Variants in LIN28B observed in about 807,000 individuals in gnomAD.
LIN28B encodes protein lin-28 homolog B.
Under a neutral mutation model 21.9 loss-of-function variants are expected in LIN28B, and 5 were observed. The observed-to-expected ratio is 0.23, with a 90% CI of 0.12 to 0.48. The LOEUF (loss-of-function observed/expected upper bound fraction) is 0.48, where lower values mean the gene tolerates loss of function less well. Ranked by LOEUF, LIN28B falls within the 20% of genes least tolerant of loss-of-function variation. The probability of loss-of-function intolerance (pLI) is 0.98; values close to 1 mark genes in which losing one functional copy is unlikely to be tolerated. For synonymous variants in LIN28B, 109 were observed against 111.3 expected (o/e 0.98, Z 0.13); for missense variants, 245 against 310.5 (o/e 0.79, Z 1.58).
Position 105,082,525 on chromosome 6 carries a change from C to T in LIN28B, c.*3742C>T, listed in dbSNP as rs1296848380. 1 of 152,550 alleles carries T rather than the reference C, an allele frequency of 6.6e-6. No homozygotes were observed. The highest frequency in any genetic ancestry group is 2.4e-5 in the African/African-American group (1 of 41,428). The allele number at this position is 152,550 out of a possible 1,614,324, so 9.4% of individuals were successfully genotyped here. ...CATAAAATATATATGTGTATTTCCC[C>T]TTTGGTTATAAAATTTGGGAAAGTA... On this transcript the variant is annotated 3_prime_UTR_variant, in exon 4 of 4. Coordinates refer to ENST00000345080, the MANE Select transcript of LIN28B (RefSeq NM_001004317.4).
chr6:104,983,599 G>A lies in LIN28B; in HGVS notation c.198+25313G>A, dbSNP rs1310769566. Among the ~76,000 whole-genome samples, 6 of 152,152 alleles carry A rather than the reference G, an allele frequency of 3.9e-5. No homozygotes were observed. In the East Asian group the frequency reaches 7.7e-4, roughly 20 times the overall value. On this transcript the variant is annotated intron_variant, in intron 2 of 3. Coordinates refer to ENST00000345080, the MANE Select transcript of LIN28B (RefSeq NM_001004317.4). ...TTGTTTTTGTTTTTGTTTTGGAGAC[G>A]GAGTTTCGCTCTTATTGCCTAGGCT...
chr6:105,068,656 T>C (rs1397851173), intron 3 of LIN28B, among the ~76,000 whole-genome samples: 1 of 152,234 alleles, frequency 6.6e-6, no homozygotes, highest in Admixed American at 6.5e-5. Context: ...ATGGCAATTA[T>C]ACTAACTGAA....
chr6:104,940,773 C>T (rs1778075071), intron 2 of LIN28B: 1 of 151,384 alleles, frequency 6.6e-6, no homozygotes, highest in African/African-American at 2.4e-5. Context: ...CAGCGGATTC[C>T]GTGCCCGGTG....
rs1026723639 is a variant in LIN28B at position 104,965,088 on chromosome 6, CATG to C, written c.198+6803_198+6805del. ...TAAGTTATTTTCAGTGGTGTATACTCATGGTGGATAATTAAGCTGGTCTTTTAT... is the reference window on the plus strand; with the variant it reads ...TAAGTTATTTTCAGTGGTGTATACTCGTGGATAATTAAGCTGGTCTTTTAT... On this transcript the variant is annotated intron_variant, in intron 2 of 3. Coordinates refer to ENST00000345080, the MANE Select transcript of LIN28B (RefSeq NM_001004317.4). Among the ~76,000 whole-genome samples the C allele has an allele frequency of 3.9e-4, 60 of 152,156 alleles. 2 individuals are homozygous for C. Among genetic ancestry groups the C allele is most frequent in the Admixed American group, 6.5e-5 (1 of 15,278 alleles).
intron 3 of LIN28B, among the ~76,000 whole-genome samples, chr6:105,043,628 G>A (rs1489504627): frequency 1.3e-5 from 2 of 150,956 alleles, no homozygotes; most frequent in East Asian, 3.9e-4. Context: ...TCTCACCCAA[G>A]CTGGAGTGCA....
At chr6:105,039,544 G>A (rs1771590194) in intron 3 of LIN28B, among the ~76,000 whole-genome samples, 1 of 152,216 alleles carries the variant, frequency 6.6e-6, no homozygotes, top group South Asian at 2.1e-4. Flanking sequence ...ATGATATTAT[G>A]TATTATGTAT....
In LIN28B at chr6:105,051,438, GA is replaced by G. The variant is rs574097280; in HGVS notation, c.383+24967del. Reference sequence around the variant, plus strand: ...TGGGCGACAGAGCGAGACTCCGTCTGAAAAAAAAAAAGAAAGAAAAAGAAAG... The same window carrying G: ...TGGGCGACAGAGCGAGACTCCGTCTGAAAAAAAAAAGAAAGAAAAAGAAAG... On this transcript the variant is annotated intron_variant, in intron 3 of 3. Coordinates refer to ENST00000345080, the MANE Select transcript of LIN28B (RefSeq NM_001004317.4). Among the ~76,000 whole-genome samples the G allele has an allele frequency of 4.2e-4, 57 of 137,172 alleles. 1 individual carries two copies. The South Asian group carries it at 4.4e-3, about 11-fold the overall frequency. 90.0% of individuals were successfully genotyped at this position (137,172 alleles called of 152,430 possible). A position where few individuals can be genotyped will look rare whatever the true frequency, so the allele number is the denominator to read the frequency against.
intron 3 of LIN28B, among the ~76,000 whole-genome samples, chr6:105,027,923 C>T (rs956216038): frequency 1.3e-5 from 2 of 152,058 alleles, no homozygotes; most frequent in African/African-American, 4.8e-5. Context: ...TCCAGTGAAA[C>T]AATAAATTCC....
intron 2 of LIN28B, among the ~76,000 whole-genome samples, chr6:105,015,587 T>C (rs1771011326): frequency 6.6e-6 from 1 of 152,162 alleles, no homozygotes. Context: ...GTTTATCTCA[T>C]TTCTTTGGTA....
chr6:104,954,908 A>G (rs570018233), upstream of LIN28B, among the ~76,000 whole-genome samples: 1 of 152,304 alleles, frequency 6.6e-6, no homozygotes, highest in Middle Eastern at 3.4e-3. Context: ...CTGGTTTTAT[A>G]ATGATTAAAC....
chr6:104,960,230 A>T (rs536323113), intron 2 of LIN28B, among the ~76,000 whole-genome samples: 1 of 151,866 alleles, frequency 6.6e-6, no homozygotes, highest in Non-Finnish European at 1.5e-5. Context: ...ATATACATAA[A>T]TTGTATATAA....
intron 2 of LIN28B, among the ~76,000 whole-genome samples, chr6:104,984,841 A>G (rs73771042): frequency 0.021 from 3,200 of 152,314 alleles, 126 homozygotes; most frequent in African/African-American, 0.074. Context: ...GAATTAGATA[A>G]CAGTTTTTGA....
chr6:104,985,300 T>G (rs561973754), intron 2 of LIN28B, among the ~76,000 whole-genome samples: 7 of 152,306 alleles, frequency 4.6e-5, no homozygotes, highest in Non-Finnish European at 7.4e-5. Flanking sequence ...TAAGCCTGAG[T>G]GTTTTTAATA....
chr6:105,039,566 T>C (rs1330018446), intron 3 of LIN28B, among the ~76,000 whole-genome samples: 1 of 152,086 alleles, frequency 6.6e-6, no homozygotes, highest in African/African-American at 2.4e-5. Flanking sequence ...GATACTTACA[T>C]GTGTGGCAAA....
At chr6:104,959,284 T>A (rs1162292831) in intron 2 of LIN28B, among the ~76,000 whole-genome samples, 1 of 152,188 alleles carries the variant, frequency 6.6e-6, no homozygotes, top group Non-Finnish European at 1.5e-5. Context: ...TTTGGCATGA[T>A]AATCTAAGTT....
chr6:105,025,364 GA>G (rs1216040072), intron 2 of LIN28B, among the ~76,000 whole-genome samples: 11 of 152,140 alleles, frequency 7.2e-5, no homozygotes, highest in African/African-American at 2.7e-4. Flanking sequence ...CATTGACTTT[GA>G]TGAAAAGAGG....
intron 3 of LIN28B, among the ~76,000 whole-genome samples, chr6:105,076,254 G>T (rs1037285344): frequency 3.6e-4 from 54 of 151,636 alleles, no homozygotes; most frequent in African/African-American, 1.3e-3. Context: ...TTGAAAATAT[G>T]ATTCAGTCTG....
chr6:105,038,832 CTG>C (rs757253080), intron 3 of LIN28B, among the ~76,000 whole-genome samples: 122 of 152,250 alleles, frequency 8.0e-4, no homozygotes, highest in Non-Finnish European at 1.5e-4. Context: ...CACTGAAAAA[CTG>C]TGTGGCATTA....
At chr6:105,077,606 C>T (rs1484803057) in intron 3 of LIN28B, among the ~76,000 whole-genome samples, 1 of 152,114 alleles carries the variant, frequency 6.6e-6, no homozygotes, top group Non-Finnish European at 1.5e-5. Context: ...TTTATTTTAA[C>T]TTAAAAGAGA....
Sources: gnomAD v4.1 joint callset for allele counts (sites outside exome capture counted in the v4.1 genomes callset) on GRCh38, gnomAD v4.1.1 for gene constraint, MANE v1.5 for transcripts, NCBI Gene and HGNC (gene_info 2026-07-23, HGNC 2026-07-21) for gene names.